The following CAMTA1 variants were observed in gnomAD, a reference collection of about 807,000 sequenced individuals.
CAMTA1 encodes the protein calmodulin-binding transcription activator 1.
Under a neutral mutation model 170.9 loss-of-function variants are expected in CAMTA1, and 27 were observed. The observed-to-expected ratio is 0.16, with a 90% confidence interval of 0.12 to 0.22. CAMTA1 has a LOEUF of 0.22. Among genes scored for constraint, CAMTA1 ranks in the 10% least tolerant of loss-of-function variants. CAMTA1 has a pLI of 1.00. For synonymous variants in CAMTA1, 833 were observed against 891.5 expected, an observed-to-expected ratio of 0.93 and a Z score of 1.17; for missense variants, 1,619 against 2,217.2, an observed-to-expected ratio of 0.73 and a Z score of 5.42.
At chr1:7,720,726 T>G (rs549880137) in intron 11 of CAMTA1, among the ~76,000 whole-genome samples, 5 of 152,324 alleles carry the variant, frequency 3.3e-5, no homozygotes, top group Admixed American at 3.3e-4. Flanking sequence ...TATAGAAAAG[T>G]GACACTGCTG....
chr1:7,005,386 C>A (rs957746743), intron 3 of CAMTA1, among the ~76,000 whole-genome samples: 2 of 152,204 alleles, frequency 1.3e-5, no homozygotes, highest in African/African-American at 4.8e-5. Flanking sequence ...AGGTTCAGTT[C>A]TTTGGGAAAA....
intron 9 of CAMTA1, among the ~76,000 whole-genome samples, chr1:7,668,171 C>T (rs1218524518): frequency 6.6e-6 from 1 of 152,202 alleles, no homozygotes; most frequent in Admixed American, 6.5e-5. Flanking sequence ...GCAGGCTCGT[C>T]GGCCTGGGCC....
chr1:7,746,798 G>A (rs555724983), intron 18 of CAMTA1, among the ~76,000 whole-genome samples: 7 of 152,194 alleles, frequency 4.6e-5, no homozygotes, highest in African/African-American at 9.6e-5. Flanking sequence ...CACCACACCC[G>A]CCTAATTCTT....
At chr1:7,655,535 C>G (rs367773501) in intron 7 of CAMTA1, among the ~76,000 whole-genome samples, 3 of 131,106 alleles carry the variant, frequency 2.3e-5, no homozygotes, top group Admixed American at 8.0e-5. Context: ...CACACACATA[C>G]ACACTGATAT....
chr1:7,563,148 C>T (rs1457686284), intron 6 of CAMTA1, among the ~76,000 whole-genome samples: 1 of 152,240 alleles, frequency 6.6e-6, no homozygotes, highest in Non-Finnish European at 1.5e-5. Flanking sequence ...CTGTAGCCCC[C>T]AGGCATCGGG....
chr1:7,004,720 AT>A (rs1698726741), intron 3 of CAMTA1, among the ~76,000 whole-genome samples: 1 of 152,072 alleles, frequency 6.6e-6, no homozygotes. Flanking sequence ...GATTTCCAAC[AT>A]TATACTTTTT....
rs1292398636 is a variant in CAMTA1, at chr1:7,547,831, C to T, written c.510+79930C>T. Among the ~76,000 whole-genome samples the T allele has an allele frequency of 1.4e-5, 2 of 143,574 alleles. No individual in the cohort carries two copies. The highest frequency in any genetic ancestry group is 3.2e-5 in the Non-Finnish European group (2 of 62,038). 94.2% of individuals were successfully genotyped at this position (143,574 alleles called of 152,430 possible). ...CACATCTCTGCCACCCCATGTGGGC[C>T]CCCTCCAAACCCAGACTCTGACACC... On this transcript the variant is annotated intron_variant, in intron 6 of 22. Transcript: ENST00000303635. The surrounding 1 kb of genome is among the most constrained non-coding windows in gnomAD (Gnocchi z 5.7).
At chr1:7,169,316 G>A (rs1465042624) in intron 4 of CAMTA1, among the ~76,000 whole-genome samples, 3 of 152,008 alleles carry the variant, frequency 2.0e-5, no homozygotes, top group Non-Finnish European at 4.4e-5. Flanking sequence ...ATTATGCTGT[G>A]GAATAATTTG....
intron 1 of CAMTA1, among the ~76,000 whole-genome samples, chr1:6,789,314 T>C (rs1490349419): frequency 2.0e-5 from 3 of 152,206 alleles, no homozygotes; most frequent in African/African-American, 7.2e-5. Flanking sequence ...CCCCCAGAAA[T>C]AGCCTATTCT....
At position 7,748,261 on chromosome 1, in the gene CAMTA1, A is replaced by G. The variant is rs948702353; in HGVS notation, c.4689+480A>G. Reference sequence around the variant, plus strand: ...ATAAAACAAACAAACAAACAAACAAACAAACAAACAAAAACAGGGGAAGCC... The same window carrying G: ...ATAAAACAAACAAACAAACAAACAAGCAAACAAACAAAAACAGGGGAAGCC... On this transcript the variant is annotated intron_variant, in intron 19 of 22. Transcript: ENST00000303635. The surrounding 1 kb of genome is among the most constrained non-coding windows in gnomAD (Gnocchi z 4.7). Among the ~76,000 whole-genome samples the G allele has an allele frequency of 1.3e-5, 2 of 151,134 alleles. No individual in the cohort carries two copies. Among genetic ancestry groups the G allele is most frequent in the African/African-American group, 4.9e-5 (2 of 41,108 alleles).
At chr1:7,052,602 G>A (rs1431198582) in intron 3 of CAMTA1, among the ~76,000 whole-genome samples, 2 of 152,080 alleles carry the variant, frequency 1.3e-5, no homozygotes, top group African/African-American at 2.4e-5. Context: ...TCTGCATCGG[G>A]CCCCTTTCCC....
chr1:6,993,073 T>A (rs1413414460), intron 3 of CAMTA1, among the ~76,000 whole-genome samples: 1 of 152,254 alleles, frequency 6.6e-6, no homozygotes, highest in Non-Finnish European at 1.5e-5. Flanking sequence ...TCTATTCTTT[T>A]CCACTAATCT....
chr1:7,722,031 T>C (rs1319737627), intron 11 of CAMTA1, among the ~76,000 whole-genome samples: 1 of 152,202 alleles, frequency 6.6e-6, no homozygotes, highest in Non-Finnish European at 1.5e-5. Flanking sequence ...GAAAGTGAGT[T>C]GTGTAAAATC....
At chr1:7,152,753 G>C (rs1368746278) in intron 4 of CAMTA1, among the ~76,000 whole-genome samples, 1 of 152,228 alleles carries the variant, frequency 6.6e-6, no homozygotes, top group Non-Finnish European at 1.5e-5. Context: ...CAGGCTCGGG[G>C]AGAACCCCAG....
At chr1:6,930,907 C>A (rs1011982083) in intron 3 of CAMTA1, among the ~76,000 whole-genome samples, 7 of 152,364 alleles carry the variant, frequency 4.6e-5, no homozygotes, top group Non-Finnish European at 1.0e-4. Flanking sequence ...TGGCTCTGGG[C>A]AGGGAGTGGC....
intron 6 of CAMTA1, among the ~76,000 whole-genome samples, chr1:7,569,221 A>G (rs1314041855): frequency 6.8e-6 from 1 of 147,596 alleles, no homozygotes; most frequent in East Asian, 2.1e-4. Context: ...TACCACCATC[A>G]TCCATCATCA....
At chr1:7,344,452 G>A (rs2084072910) in intron 5 of CAMTA1, among the ~76,000 whole-genome samples, 1 of 152,214 alleles carries the variant, frequency 6.6e-6, no homozygotes, top group Non-Finnish European at 1.5e-5. Context: ...AAGAGGCATA[G>A]CAAATGTAGT....
intron 11 of CAMTA1, among the ~76,000 whole-genome samples, chr1:7,729,295 T>C (rs1305748084): frequency 6.6e-6 from 1 of 151,962 alleles, no homozygotes; most frequent in African/African-American, 2.4e-5. Flanking sequence ...TTTTTTTGTG[T>C]TTTTAGTAGA....
chr1:7,133,795 A>G (rs1645393860), intron 4 of CAMTA1, among the ~76,000 whole-genome samples: 1 of 152,218 alleles, frequency 6.6e-6, no homozygotes, highest in African/African-American at 2.4e-5. Flanking sequence ...TGGCCCTCTC[A>G]AATGGTGGAT....
Sources: gnomAD v4.1 joint callset for allele counts (sites outside exome capture counted in the v4.1 genomes callset) on GRCh38, gnomAD v4.1.1 for gene constraint, Gnocchi (gnomAD v3.1) non-coding constraint, MANE v1.5 for transcripts, NCBI Gene and HGNC (gene_info 2026-07-23, HGNC 2026-07-21) for gene names.